Variants in COBL observed in about 807,000 individuals in gnomAD.
The protein encoded by COBL is cordon-bleu WH2 repeat protein.
In COBL, 51 loss-of-function variants were observed where a neutral mutation model predicts 98.8. The ratio of observed to expected loss-of-function variants is 0.52; its 90% CI spans 0.41 to 0.65. COBL has a LOEUF of 0.65. Among genes scored for constraint, COBL ranks in the 30% least tolerant of loss-of-function variants. The pLI is 0.00. For missense variants in COBL, 1,617 were observed against 1,617.5 expected (o/e 1.00, Z 0.01); for synonymous variants, 634 against 651.7 (o/e 0.97, Z 0.41).
At chr7:51,065,196 T>C (rs901944414) in intron 7 of COBL, 3 of 703,076 alleles carry the variant, frequency 4.3e-6, no homozygotes, top group African/African-American at 3.5e-5. Flanking sequence ...AGACACAAGA[T>C]GGGTTGTGTG....
intron 5 of COBL, among the ~76,000 whole-genome samples, chr7:51,175,346 T>C (rs1788266934): frequency 6.6e-6 from 1 of 152,234 alleles, no homozygotes; most frequent in Admixed American, 6.5e-5. Context: ...GTGAGTTCTC[T>C]CACCCCCATA....
At chr7:51,050,635 T>C (rs898840857) in intron 7 of COBL, among the ~76,000 whole-genome samples, 1 of 152,230 alleles carries the variant, frequency 6.6e-6, no homozygotes, top group Non-Finnish European at 1.5e-5. Flanking sequence ...CGGGCTGGAA[T>C]AAATGGATTG....
chr7:51,119,975 C>T (rs190139786), intron 6 of COBL, among the ~76,000 whole-genome samples: 117 of 152,250 alleles, frequency 7.7e-4, no homozygotes, highest in Non-Finnish European at 1.5e-3. Context: ...AGCCTCTAAA[C>T]CAGTAGATCT....
chr7:51,164,241 A>G (rs1468254760), intron 5 of COBL, among the ~76,000 whole-genome samples: 1 of 152,174 alleles, frequency 6.6e-6, no homozygotes, highest in East Asian at 1.9e-4. Context: ...AACATCTTAA[A>G]CCTAGAGAAA....
intron 7 of COBL, among the ~76,000 whole-genome samples, chr7:51,070,281 G>A (rs1473285991): frequency 1.3e-5 from 2 of 152,084 alleles, no homozygotes; most frequent in East Asian, 3.9e-4. Context: ...TCACTGAAGT[G>A]TTTGAAGTTT....
rs1787712431 is a variant in COBL at position 51,027,734 on chromosome 7, C to T, written c.3362G>A (p.Gly1121Glu). 6.2e-6 allele frequency: 10 copies of T among 1,613,576 alleles called. No individual in the cohort carries two copies. The South Asian group carries it at 9.9e-5, about 16-fold the overall frequency. The change falls in exon 10 of 13, where the codon GGA becomes GAA. Residue 1121 changes from glycine (G) to glutamate (E), a missense_variant. This residue lies in a region of COBL where 1,304 missense variants were observed against 1,282.0 expected (regional missense o/e 1.02). Coordinates refer to ENST00000265136, the MANE Select transcript of COBL (RefSeq NM_015198.5). Reference protein sequence around the residue: ...SALMEAIHSAGGKDRLRKTAE... With the variant: ...SALMEAIHSAEGKDRLRKTAE... Reference sequence around the variant, plus strand: ...CACCTTGCGTAGTCTGTCCTTCCCTCCCGCAGAGTGGATGGCTTCCATCAG... The same window carrying T: ...CACCTTGCGTAGTCTGTCCTTCCCTTCCGCAGAGTGGATGGCTTCCATCAG...
chr7:51,254,568 A>G (rs1170332172), intron 1 of COBL, among the ~76,000 whole-genome samples: 1 of 151,958 alleles, frequency 6.6e-6, no homozygotes, highest in Non-Finnish European at 1.5e-5. Flanking sequence ...CTCTCTTTCC[A>G]TCCCCCATTT....
chr7:51,067,060 T>A (rs1023024690), intron 7 of COBL, among the ~76,000 whole-genome samples: 2 of 152,186 alleles, frequency 1.3e-5, no homozygotes, highest in African/African-American at 4.8e-5. Flanking sequence ...AAGTTCAGAA[T>A]CCTTGCAAAG....
intron 1 of COBL, among the ~76,000 whole-genome samples, chr7:51,266,855 C>T (rs910103237): frequency 6.6e-6 from 1 of 151,952 alleles, no homozygotes. Flanking sequence ...GAGGAGTTGC[C>T]CTTGGGAGGA....
chr7:51,079,926 T>C (rs935283187), intron 7 of COBL, among the ~76,000 whole-genome samples: 2 of 152,234 alleles, frequency 1.3e-5, no homozygotes, highest in African/African-American at 4.8e-5. Context: ...TTTTCTCCAT[T>C]TGGCCTTTGT....
rs773699683 is a variant in COBL, at chr7:51,028,840, C to G, written c.2256G>C (p.Leu752=). 3.5e-5 allele frequency: 57 copies of G among 1,614,098 alleles called. No homozygotes were observed. Among genetic ancestry groups the G allele is most frequent in the Non-Finnish European group, 4.8e-5 (57 of 1,180,046 alleles). ...ATTCTGCTTCAGGCACAGACGAAGA[C>G]AGGGAAATGATCCTGATGCCGGTGG... ...PHATGIRIIS[L]SSSVPEAESQ... The change falls in exon 10 of 13, where the codon CTG becomes CTC. Residue 752 remains leucine (L), a synonymous_variant. Coordinates refer to ENST00000265136, the MANE Select transcript of COBL (RefSeq NM_015198.5).
chr7:51,190,629 G>A (rs911027813), intron 4 of COBL, among the ~76,000 whole-genome samples: 4 of 152,114 alleles, frequency 2.6e-5, no homozygotes, highest in African/African-American at 9.7e-5. Flanking sequence ...AAGGATAAAG[G>A]ACATGTTCAG....
At chr7:51,059,814 G>T (rs1355541244) in intron 7 of COBL, among the ~76,000 whole-genome samples, 1 of 152,110 alleles carries the variant, frequency 6.6e-6, no homozygotes, top group African/African-American at 2.4e-5. Context: ...CCTTCTATGT[G>T]CTATTCTCTA....
intron 5 of COBL, among the ~76,000 whole-genome samples, chr7:51,151,640 G>A (rs893709068): frequency 6.6e-6 from 1 of 152,362 alleles, no homozygotes; most frequent in African/African-American, 2.4e-5. Context: ...AACATTTAGG[G>A]TAATTACAGC....
Position 51,316,663 on chromosome 7 carries a change from T to A in COBL, c.-30A>T, listed in dbSNP as rs986855494. 909 of 1,190,984 alleles carry A rather than the reference T, an allele frequency of 7.6e-4. 1 individual carries two copies. Among genetic ancestry groups the A allele is most frequent in the Non-Finnish European group, 8.9e-4 (855 of 961,366 alleles). 73.8% of individuals were successfully genotyped at this position (1,190,984 alleles called of 1,614,324 possible). ...CCGGGGGCCGGGACGCGGGCGGTGC[T>A]CCGGGCCCGCCGAGTCAGGCGCTGG... is the stretch of plus-strand genomic sequence containing the variant. On this transcript the variant is annotated 5_prime_UTR_variant, in exon 1 of 13. Transcript: ENST00000265136.
At chr7:51,247,990 T>A (rs1796399059) in intron 1 of COBL, among the ~76,000 whole-genome samples, 2 of 151,864 alleles carry the variant, frequency 1.3e-5, no homozygotes, top group South Asian at 2.1e-4. Flanking sequence ...CATACAAAAG[T>A]TAGCTGGGCA....
rs1588252506 is a variant in COBL, at chr7:51,026,537, A to C, written c.3504+9T>G. 1 of 1,613,434 alleles carries C rather than the reference A, an allele frequency of 6.2e-7. No homozygotes were observed. The highest frequency in any genetic ancestry group is 8.5e-7 in the Non-Finnish European group (1 of 1,179,714). On this transcript the variant is annotated intron_variant, in intron 11 of 12. Coordinates refer to ENST00000265136, the MANE Select transcript of COBL (RefSeq NM_015198.5). Reference sequence around the variant, plus strand: ...CTCCTGGCGCCATGGAAGGCCCTTCACCTCTTACCTTCCTCAGGCTGCAGG... The same window carrying C: ...CTCCTGGCGCCATGGAAGGCCCTTCCCCTCTTACCTTCCTCAGGCTGCAGG...
At chr7:51,089,923 T>C (rs1487915824) in intron 6 of COBL, among the ~76,000 whole-genome samples, 2 of 152,192 alleles carry the variant, frequency 1.3e-5, no homozygotes, top group African/African-American at 4.8e-5. Context: ...TCCACAGAAT[T>C]GATGAGCCAT....
intron 8 of COBL, among the ~76,000 whole-genome samples, chr7:51,039,814 T>C (rs879573657): frequency 2.6e-5 from 4 of 152,322 alleles, no homozygotes; most frequent in Admixed American, 2.6e-4. Context: ...CCTGAGTGCC[T>C]GAATTGGTTG....
Sources: gnomAD v4.1 joint callset for allele counts (sites outside exome capture counted in the v4.1 genomes callset) on GRCh38, gnomAD v4.1.1 for gene constraint, gnomAD v4.1.1 regional missense constraint, MANE v1.5 for transcripts, NCBI Gene and HGNC (gene_info 2026-07-23, HGNC 2026-07-21) for gene names.